Variants in ZNF292 observed in about 807,000 individuals in gnomAD.
The protein encoded by ZNF292 is 16 zinc-finger domain protein.
ZNF292 carries 26 observed loss-of-function variants against 217.9 expected under a neutral mutation model. That is an observed-to-expected ratio of 0.12 (90% CI 0.09 to 0.17). The LOEUF (loss-of-function observed/expected upper bound fraction) is 0.17. Among genes scored for constraint, ZNF292 ranks in the 10% least tolerant of loss-of-function variants. The pLI is 1.00. For missense variants in ZNF292, 2,904 were observed against 3,175.2 expected (o/e 0.91, Z 2.05); for synonymous variants, 1,257 against 1,124.1 (o/e 1.12, Z -2.37).
chr6:87,251,378 C>T (rs905772774), intron 7 of ZNF292, among the ~76,000 whole-genome samples: 1 of 152,138 alleles, frequency 6.6e-6, no homozygotes, highest in East Asian at 1.9e-4. Flanking sequence ...AACATGCAAG[C>T]CTTGGGTGGC....
intron 1 of ZNF292, among the ~76,000 whole-genome samples, chr6:87,207,050 C>T (rs1373059015): frequency 1.3e-5 from 2 of 152,138 alleles, no homozygotes; most frequent in East Asian, 1.9e-4. Flanking sequence ...GAATGGGTAT[C>T]GCTAATAACA....
chr6:87,169,229 C>T (rs1210061814), intron 1 of ZNF292, among the ~76,000 whole-genome samples: 2 of 151,704 alleles, frequency 1.3e-5, no homozygotes, highest in Non-Finnish European at 2.9e-5. Flanking sequence ...TTAGTGAAGA[C>T]GGGGTTTCAC....
rs374563512 is a variant in ZNF292 at position 87,172,081 on chromosome 6, A to C, written c.168+16322A>C. ...TCTTTTTCTTCATAGCACTTAGCAC[A>C]ATTACTAATTTTCTATAGTCTCTTA... On this transcript the variant is annotated intron_variant, in intron 1 of 7. Coordinates refer to ENST00000369577, the MANE Select transcript of ZNF292 (RefSeq NM_015021.3). Among the ~76,000 whole-genome samples the C allele has an allele frequency of 7.2e-5, 11 of 152,186 alleles. No individual in the cohort carries two copies. In the East Asian group the frequency reaches 1.7e-3, roughly 24 times the overall value.
intron 1 of ZNF292, among the ~76,000 whole-genome samples, chr6:87,204,145 A>G (rs973452795): frequency 5.9e-5 from 9 of 152,228 alleles, no homozygotes; most frequent in Admixed American, 1.3e-4. Flanking sequence ...ATAATCTCCA[A>G]TGGTGCCAGG....
At chr6:87,233,747 T>G (rs557177784) in intron 5 of ZNF292, 11 of 684,898 alleles carry the variant, frequency 1.6e-5, no homozygotes, top group Admixed American at 6.3e-5. Context: ...ATATACATCT[T>G]TTAAATGCTT....
chr6:87,241,116 C>T (rs922473774), intron 5 of ZNF292, among the ~76,000 whole-genome samples: 28 of 152,132 alleles, frequency 1.8e-4, no homozygotes, highest in African/African-American at 6.5e-4. Context: ...AACCCCATCT[C>T]TACTAAAAAT....
At chr6:87,164,269 A>G (rs1770843719) in intron 1 of ZNF292, among the ~76,000 whole-genome samples, 1 of 151,986 alleles carries the variant, frequency 6.6e-6, no homozygotes, top group Admixed American at 6.5e-5. Flanking sequence ...GGGCTGGCTC[A>G]TTTTTCTGTT....
At chr6:87,249,957 A>C (rs914585358) in intron 7 of ZNF292, among the ~76,000 whole-genome samples, 3 of 142,910 alleles carry the variant, frequency 2.1e-5, no homozygotes, top group Non-Finnish European at 4.5e-5. Flanking sequence ...TGATCTGCCC[A>C]CCTCAGCCTC....
Position 87,257,229 on chromosome 6 carries a change from A to T in ZNF292, c.3600A>T (p.Ser1200=), listed in dbSNP as rs761415203. The T allele has an allele frequency of 6.2e-7, 1 of 1,613,858 alleles. No individual in the cohort carries two copies. The highest frequency in any genetic ancestry group is 1.1e-5 in the South Asian group (1 of 91,082). ...TTCCAGCTCATTTAGCAAGTGTGTC[A>T]ACTCCATTGTTGTCCTCAATGGAAA... The part of the protein sequence containing the change: ...PIFPAHLASV[S]TPLLSSMESV... Residue 1200 remains serine, a synonymous_variant, in exon 8 of 8, where the codon TCA becomes TCT. Transcript: ENST00000369577.
At chr6:87,164,636 C>G (rs1234099020) in intron 1 of ZNF292, among the ~76,000 whole-genome samples, 2 of 152,094 alleles carry the variant, frequency 1.3e-5, no homozygotes, top group Non-Finnish European at 2.9e-5. Context: ...CTTCTCTAAC[C>G]ACATCTGACT....
chr6:87,247,956 G>C lies in ZNF292; in HGVS notation c.1020+2312G>C, dbSNP rs149768616. Among the ~76,000 whole-genome samples the C allele has an allele frequency of 3.6e-3, 551 of 152,036 alleles. 2 individuals carry two copies. The highest frequency in any genetic ancestry group is 0.013 in the African/African-American group (530 of 41,484). On this transcript the variant is annotated intron_variant, in intron 7 of 7. Transcript: ENST00000369577. ...ATACAGATTAGACACAACTGAAGAGGGAGTTAATGAACAGAGGTTGTATAT... is the reference window on the plus strand; with the variant it reads ...ATACAGATTAGACACAACTGAAGAGCGAGTTAATGAACAGAGGTTGTATAT...
At chr6:87,207,797 T>C (rs1772308014) in intron 1 of ZNF292, among the ~76,000 whole-genome samples, 1 of 152,208 alleles carries the variant, frequency 6.6e-6, no homozygotes, top group South Asian at 2.1e-4. Context: ...ATCTATCAAT[T>C]TCATCTTGAA....
chr6:87,202,145 G>A (rs1398293506), intron 1 of ZNF292, among the ~76,000 whole-genome samples: 1 of 152,058 alleles, frequency 6.6e-6, no homozygotes, highest in African/African-American at 2.4e-5. Flanking sequence ...TTTTAAATAT[G>A]GCTCATATTG....
In ZNF292 at chr6:87,259,225, T is replaced by C; in HGVS notation, c.5596T>C (p.Ser1866Pro). The C allele has an allele frequency of 1.2e-6, 2 of 1,613,688 alleles. No individual in the cohort carries two copies. Among genetic ancestry groups the C allele is most frequent in the South Asian group, 1.1e-5 (1 of 91,082 alleles). Reference protein sequence around the residue: ...PASQCVLINTSVTLTPTPVKS... With the variant: ...PASQCVLINTPVTLTPTPVKS... ...ATCCCAATGTGTACTGATAAATACA[T>C]CAGTGACACTGACTCCCACGCCTGT... is the stretch of plus-strand genomic sequence containing the variant. The change falls in exon 8 of 8, where the codon TCA (serine) becomes CCA (proline). Residue 1866 changes from serine to proline, a missense_variant. By Grantham distance (74) the Ser-to-Pro change is moderately conservative. This residue lies in a region of ZNF292 where 622 missense variants were observed against 573.1 expected (regional missense o/e 1.09). Coordinates refer to ENST00000369577, the MANE Select transcript of ZNF292 (RefSeq NM_015021.3).
rs754819779 is a variant in ZNF292 at position 87,264,890 on chromosome 6, G to T, written c.*3089G>T. On this transcript the variant is annotated 3_prime_UTR_variant, in exon 8 of 8. Transcript: ENST00000369577. ...GAGTAAGTTGGAGATTAATTAGGGG[G>T]ACCTAAAATAGTCCAGGCAAAAAAT... is the stretch of plus-strand genomic sequence containing the variant. 3.3e-5 allele frequency among the ~76,000 whole-genome samples: 5 copies of T among 152,228 alleles called. No individual in the cohort carries two copies. Among genetic ancestry groups the T allele is most frequent in the Non-Finnish European group, 7.4e-5 (5 of 68,008 alleles).
chr6:87,218,631 T>C lies in ZNF292; in HGVS notation c.438T>C (p.Cys146=). Residue 146 remains cysteine (C), a synonymous_variant, in exon 4 of 8, where the codon TGT becomes TGC. Coordinates refer to ENST00000369577, the MANE Select transcript of ZNF292 (RefSeq NM_015021.3). ...AHEKLMENGS[C]ELHFLATLAQ... is the part of the protein sequence containing the mutation. The stretch of plus-strand genomic sequence containing the variant: ...AAAAGCTGATGGAGAATGGCAGCTG[T>C]GAATTGCATTTTTTAGCTACTCTAG... 6.4e-7 allele frequency: 1 copy of C among 1,571,670 alleles called. No individual in the cohort carries two copies. The highest frequency in any genetic ancestry group is 8.6e-7 in the Non-Finnish European group (1 of 1,158,446).
intron 1 of ZNF292, among the ~76,000 whole-genome samples, chr6:87,168,497 G>A (rs549628139): frequency 2.0e-5 from 3 of 152,016 alleles, no homozygotes; most frequent in African/African-American, 7.2e-5. Flanking sequence ...TTTTGAGGTC[G>A]AGTTTCGCTC....
chr6:87,213,911 GAAACTTCACAGA>G (rs1345431751), intron 1 of ZNF292: 1 of 152,078 alleles, frequency 6.6e-6, no homozygotes, highest in Non-Finnish European at 1.5e-5. Flanking sequence ...GACAGATAAG[GAAACTTCACAGA>G]ACAACTTCAT....
At chr6:87,155,977 A>T (rs995790227) in intron 1 of ZNF292, among the ~76,000 whole-genome samples, 8 of 152,178 alleles carry the variant, frequency 5.3e-5, no homozygotes, top group Non-Finnish European at 1.0e-4. Flanking sequence ...AGTTGCGGTC[A>T]AGGCGGAAAA....
Sources: gnomAD v4.1 joint callset for allele counts (sites outside exome capture counted in the v4.1 genomes callset) on GRCh38, gnomAD v4.1.1 for gene constraint, gnomAD v4.1.1 regional missense constraint, MANE v1.5 for transcripts, NCBI Gene and HGNC (gene_info 2026-07-23, HGNC 2026-07-21) for gene names.